GALNTL6: variants seen among roughly 807,000 people sequenced by gnomAD.
The protein encoded by GALNTL6 is polypeptide N-acetylgalactosaminyltransferase-like 6.
Under a neutral mutation model 73.7 loss-of-function variants are expected in GALNTL6, and 46 were observed. That is an observed-to-expected ratio of 0.62 (90% confidence interval 0.49 to 0.80). The LOEUF (loss-of-function observed/expected upper bound fraction) is 0.80, where lower values mean the gene tolerates loss of function less well. GALNTL6 is among the 30% of genes least tolerant of loss of function. The pLI is 0.00. For synonymous variants in GALNTL6, 259 were observed against 263.7 expected (o/e 0.98, Z 0.17); for missense variants, 604 against 755.0 (o/e 0.80, Z 2.34).
At chr4:172,523,221 C>T (rs576581905) in intron 5 of GALNTL6, among the ~76,000 whole-genome samples, 1 of 152,308 alleles carries the variant, frequency 6.6e-6, no homozygotes, top group South Asian at 2.1e-4. Context: ...TTTATGCATT[C>T]TACTGTTCAG....
At chr4:172,274,627 A>G (rs1448076113) in intron 3 of GALNTL6, among the ~76,000 whole-genome samples, 1 of 152,296 alleles carries the variant, frequency 6.6e-6, no homozygotes, top group Non-Finnish European at 1.5e-5. Context: ...AGGCTCAAAT[A>G]TAAATATGTG....
chr4:171,984,230 C>T (rs192761572), intron 2 of GALNTL6, among the ~76,000 whole-genome samples: 80 of 152,278 alleles, frequency 5.3e-4, no homozygotes, highest in Admixed American at 4.2e-3. Flanking sequence ...CAGGTTCAGT[C>T]GCTTGCCACC....
At chr4:172,463,837 G>A (rs1732701884) in intron 5 of GALNTL6, among the ~76,000 whole-genome samples, 1 of 152,078 alleles carries the variant, frequency 6.6e-6, no homozygotes, top group African/African-American at 2.4e-5. Context: ...ATTTTCTATT[G>A]ATAAATGCCC....
chr4:172,593,217 A>G (rs956434194), intron 5 of GALNTL6, among the ~76,000 whole-genome samples: 2 of 152,184 alleles, frequency 1.3e-5, no homozygotes, highest in African/African-American at 4.8e-5. Context: ...AACATAACTT[A>G]CAATAGAACT....
rs927644059 is a variant in GALNTL6, at chr4:171,853,381, C to G, written c.138+38663C>G. ...CCTTCTTTCCCCTTCTTACACTCAG[C>G]CTTCACCTTCCTTTCTTTTCCTATC... is the stretch of plus-strand genomic sequence containing the variant. On this transcript the variant is annotated intron_variant, in intron 2 of 12. Transcript: ENST00000506823. Among the ~76,000 whole-genome samples, 194 of 151,708 alleles carry G rather than the reference C, an allele frequency of 1.3e-3. 4 individuals are homozygous for G. The highest frequency in any genetic ancestry group is 3.1e-4 in the Non-Finnish European group (21 of 67,900).
chr4:172,756,731 G>A (rs945848897), intron 5 of GALNTL6, among the ~76,000 whole-genome samples: 1 of 151,932 alleles, frequency 6.6e-6, no homozygotes, highest in African/African-American at 2.4e-5. Context: ...TGATTATAAA[G>A]AAATTAATGC....
intron 5 of GALNTL6, among the ~76,000 whole-genome samples, chr4:172,632,311 A>G (rs1739431810): frequency 6.6e-6 from 1 of 152,218 alleles, no homozygotes; most frequent in Non-Finnish European, 1.5e-5. Context: ...GGACGGGAAC[A>G]TGTGGGAAAG....
intron 5 of GALNTL6, among the ~76,000 whole-genome samples, chr4:172,648,648 A>G (rs1484749599): frequency 6.6e-6 from 1 of 152,148 alleles, no homozygotes; most frequent in African/African-American, 2.4e-5. Context: ...GAACAGTATA[A>G]TACATGCTGA....
intron 2 of GALNTL6, among the ~76,000 whole-genome samples, chr4:171,950,361 G>T (rs1364548449): frequency 6.6e-6 from 1 of 152,034 alleles, no homozygotes; most frequent in Middle Eastern, 3.2e-3. Flanking sequence ...AGTTAACGTA[G>T]GTTAAAAAAG....
At chr4:172,807,410 T>C (rs1169543383) in intron 5 of GALNTL6, among the ~76,000 whole-genome samples, 1 of 152,202 alleles carries the variant, frequency 6.6e-6, no homozygotes, top group Non-Finnish European at 1.5e-5. Context: ...TTCAAAGGCA[T>C]TTCTTCAGAT....
intron 7 of GALNTL6, among the ~76,000 whole-genome samples, chr4:172,839,743 T>A (rs939549301): frequency 2.6e-5 from 4 of 152,200 alleles, no homozygotes; most frequent in Non-Finnish European, 4.4e-5. Flanking sequence ...AAATGTTGAA[T>A]AACCTTTGAG....
At chr4:171,966,013 A>G (rs1739372799) in intron 2 of GALNTL6, among the ~76,000 whole-genome samples, 1 of 152,204 alleles carries the variant, frequency 6.6e-6, no homozygotes, top group South Asian at 2.1e-4. Context: ...TCTTTTAAGC[A>G]GCCTTGGTGA....
intron 2 of GALNTL6, among the ~76,000 whole-genome samples, chr4:172,206,797 G>C: frequency 4.2e-5 from 1 of 23,922 alleles, no homozygotes; most frequent in Non-Finnish European, 9.4e-5. Flanking sequence ...GTTTTGTTTT[G>C]TTTTTCTGTT....
chr4:172,329,088 A>G (rs1308476665), intron 4 of GALNTL6, among the ~76,000 whole-genome samples: 1 of 152,124 alleles, frequency 6.6e-6, no homozygotes. Context: ...GAGGACCAGG[A>G]CCTACATGGA....
intron 5 of GALNTL6, among the ~76,000 whole-genome samples, chr4:172,377,037 A>C (rs1031996791): frequency 9.9e-5 from 15 of 152,132 alleles, no homozygotes; most frequent in Admixed American, 9.2e-4. Context: ...GAGCGAAAGA[A>C]CAAAGCTTCC....
At chr4:172,800,349 A>G (rs754545643) in intron 5 of GALNTL6, among the ~76,000 whole-genome samples, 1 of 152,222 alleles carries the variant, frequency 6.6e-6, no homozygotes, top group Non-Finnish European at 1.5e-5. Context: ...TTGTTCTCCT[A>G]TATCAACATT....
At chr4:173,020,088 T>C (rs1161346182) in intron 11 of GALNTL6, among the ~76,000 whole-genome samples, 1 of 152,250 alleles carries the variant, frequency 6.6e-6, no homozygotes, top group Non-Finnish European at 1.5e-5. Flanking sequence ...AAGAATTACA[T>C]AACCTTCCTG....
At chr4:172,564,359 T>G (rs537165038) in intron 5 of GALNTL6, among the ~76,000 whole-genome samples, 1 of 152,300 alleles carries the variant, frequency 6.6e-6, no homozygotes, top group South Asian at 2.1e-4. Flanking sequence ...ATAAAGTGTT[T>G]CTAGTGGGAA....
At chr4:172,308,576 C>T (rs907133092) in intron 3 of GALNTL6, among the ~76,000 whole-genome samples, 4 of 152,022 alleles carry the variant, frequency 2.6e-5, no homozygotes, top group Admixed American at 1.3e-4. Context: ...TTTTCTGCAT[C>T]TATTGAGATA....
Sources: allele counts gnomAD v4.1 joint callset (sites outside exome capture counted in the v4.1 genomes callset), GRCh38; gene constraint gnomAD v4.1.1; transcripts MANE v1.5; gene names NCBI Gene and HGNC (gene_info 2026-07-23, HGNC 2026-07-21).